CMSS1: variants seen among roughly 807,000 people sequenced by gnomAD.
CMSS1 encodes cms1 ribosomal small subunit homolog.
A neutral mutation model predicts 43.5 loss-of-function variants in CMSS1; 33 were observed. That is an observed-to-expected ratio of 0.76 (90% CI 0.57 to 1.01). CMSS1 has a LOEUF of 1.01. CMSS1 is among the 50% of genes least tolerant of loss of function. The pLI, the probability that CMSS1 is intolerant of heterozygous loss-of-function variation, is 0.00. For missense variants in CMSS1, 313 were observed against 326.4 expected, an observed-to-expected ratio of 0.96 and a Z score of 0.32; for synonymous variants, 115 against 117.2, an observed-to-expected ratio of 0.98 and a Z score of 0.12.
At chr3:100,017,940 C>T (rs892508891) in intron 1 of CMSS1, among the ~76,000 whole-genome samples, 2 of 152,106 alleles carry the variant, frequency 1.3e-5, no homozygotes, top group South Asian at 2.1e-4. Flanking sequence ...ACTTCTCAGC[C>T]TCCATAATTG....
intron 1 of CMSS1, among the ~76,000 whole-genome samples, chr3:100,071,955 A>G (rs538921291): frequency 1.3e-5 from 2 of 152,164 alleles, no homozygotes; most frequent in Non-Finnish European, 2.9e-5. Context: ...TGATCGGCAG[A>G]CTGAAACTGA....
chr3:100,076,002 T>C (rs1346432514), intron 1 of CMSS1, among the ~76,000 whole-genome samples: 1 of 152,174 alleles, frequency 6.6e-6, no homozygotes, highest in African/African-American at 2.4e-5. Flanking sequence ...AACTATGTAA[T>C]TTCTAAGATC....
intron 1 of CMSS1, chr3:100,010,140 C>A: frequency 1.0e-6 from 1 of 972,950 alleles, no homozygotes; most frequent in Non-Finnish European, 1.2e-6. Context: ...GGTAAGTCAT[C>A]TGATTGGAGC....
intron 1 of CMSS1, among the ~76,000 whole-genome samples, chr3:100,098,940 A>C (rs2066259099): frequency 6.6e-6 from 1 of 152,262 alleles, no homozygotes; most frequent in Non-Finnish European, 1.5e-5. Flanking sequence ...AAATAATGCC[A>C]GTTAAGATGG....
At chr3:99,845,209 TTTTA>T (rs1289653437) in intron 1 of CMSS1, among the ~76,000 whole-genome samples, 12 of 152,136 alleles carry the variant, frequency 7.9e-5, no homozygotes, top group African/African-American at 2.2e-4. Context: ...AGGATGACAA[TTTTA>T]TTTTTGTCAG....
chr3:99,886,969 CAAAA>C lies in CMSS1; in HGVS notation c.64+68938_64+68941del, dbSNP rs544548363. On this transcript the variant is annotated intron_variant, in intron 1 of 9. Transcript: ENST00000421999. ...TGGGCAGCAGAGGGAGACTCCATCT[CAAAA>C]AAAAAAAAAAAGTACTGGCCGGGTG... Among the ~76,000 whole-genome samples, 492 of 89,860 alleles carry C rather than the reference CAAAA, an allele frequency of 5.5e-3. 6 individuals are homozygous for C. Among genetic ancestry groups the C allele is most frequent in the African/African-American group, 0.02 (469 of 23,756 alleles). The allele number at this position is 89,860 out of a possible 152,430, so 59.0% of individuals were successfully genotyped here.
chr3:99,928,114 T>A (rs961014195), intron 1 of CMSS1, among the ~76,000 whole-genome samples: 2 of 152,226 alleles, frequency 1.3e-5, no homozygotes, highest in Admixed American at 6.5e-5. Flanking sequence ...GCATTCAAGA[T>A]GCTTATTCTC....
At chr3:100,136,999 T>C (rs970055512) in intron 1 of CMSS1, among the ~76,000 whole-genome samples, 1 of 152,260 alleles carries the variant, frequency 6.6e-6, no homozygotes, top group African/African-American at 2.4e-5. Flanking sequence ...TTCCCTATGA[T>C]CTGTGTTGCT....
At chr3:99,971,394 G>T (rs927300800) in intron 1 of CMSS1, among the ~76,000 whole-genome samples, 2 of 151,706 alleles carry the variant, frequency 1.3e-5, no homozygotes, top group African/African-American at 4.8e-5. Flanking sequence ...CACCACACAA[G>T]GAAAGAAGTC....
At position 99,877,116 on chromosome 3, in the gene CMSS1, A is replaced by G. The variant is rs9831706; in HGVS notation, c.64+59073A>G. ...GAATGAGAATTCACCTCCGAATTATAAGAGAAGTCATACCTAAAGTTCTAG... is the reference window on the plus strand; with the variant it reads ...GAATGAGAATTCACCTCCGAATTATGAGAGAAGTCATACCTAAAGTTCTAG... On this transcript the variant is annotated intron_variant, in intron 1 of 9. Coordinates refer to ENST00000421999, the MANE Select transcript of CMSS1 (RefSeq NM_032359.4). Among the ~76,000 whole-genome samples the G allele has an allele frequency of 6.1e-3, 931 of 152,318 alleles. 10 individuals are homozygous for G. Among genetic ancestry groups the G allele is most frequent in the African/African-American group, 0.021 (880 of 41,568 alleles).
At chr3:99,867,125 A>G (rs1944558440) in intron 1 of CMSS1, among the ~76,000 whole-genome samples, 1 of 152,224 alleles carries the variant, frequency 6.6e-6, no homozygotes, top group African/African-American at 2.4e-5. Flanking sequence ...AGCAAGGAGT[A>G]ATTCCATCAA....
At chr3:100,091,508 A>G (rs557454222) in intron 1 of CMSS1, among the ~76,000 whole-genome samples, 100 of 152,372 alleles carry the variant, frequency 6.6e-4, no homozygotes, top group African/African-American at 2.2e-3. Context: ...AATGCTTTGC[A>G]GCACAAGCCT....
intron 1 of CMSS1, among the ~76,000 whole-genome samples, chr3:100,107,101 G>A (rs1015831015): frequency 6.6e-6 from 1 of 152,058 alleles, no homozygotes; most frequent in Non-Finnish European, 1.5e-5. Context: ...AGGTACAGGT[G>A]AAAATCTTTA....
At chr3:99,864,625 T>C (rs1483222302) in intron 1 of CMSS1, among the ~76,000 whole-genome samples, 1 of 152,134 alleles carries the variant, frequency 6.6e-6, no homozygotes, top group Non-Finnish European at 1.5e-5. Context: ...TTTTTGGTGT[T>C]CATTTGTTCA....
At chr3:100,038,453 G>A (rs983445398) in intron 1 of CMSS1, among the ~76,000 whole-genome samples, 2 of 152,106 alleles carry the variant, frequency 1.3e-5, no homozygotes, top group Non-Finnish European at 2.9e-5. Flanking sequence ...TAGAGAATTC[G>A]AGTAGGGAGC....
In CMSS1 at chr3:99,882,604, A is replaced by G. The variant is rs192249827; in HGVS notation, c.64+64561A>G. Among the ~76,000 whole-genome samples, 5 of 152,354 alleles carry G rather than the reference A, an allele frequency of 3.3e-5. No homozygotes were observed. In the East Asian group the frequency reaches 7.7e-4, roughly 24 times the overall value. Reference sequence around the variant, plus strand: ...CTGTTCCCATTTTTAAATAGATGAGATAACTGGAGCTCAGAGAGGTTAAGG... The same window carrying G: ...CTGTTCCCATTTTTAAATAGATGAGGTAACTGGAGCTCAGAGAGGTTAAGG... On this transcript the variant is annotated intron_variant, in intron 1 of 9. Coordinates refer to ENST00000421999, the MANE Select transcript of CMSS1 (RefSeq NM_032359.4).
intron 1 of CMSS1, among the ~76,000 whole-genome samples, chr3:100,022,147 G>T (rs1396191290): frequency 6.6e-6 from 1 of 152,124 alleles, no homozygotes; most frequent in Non-Finnish European, 1.5e-5. Context: ...GAAAAGAAAT[G>T]ATATTAGAAT....
intron 1 of CMSS1, among the ~76,000 whole-genome samples, chr3:99,940,141 A>T (rs904617644): frequency 6.6e-6 from 1 of 152,240 alleles, no homozygotes; most frequent in Non-Finnish European, 1.5e-5. Flanking sequence ...GTTTTCCATT[A>T]CAAATCAGTG....
Position 99,991,999 on chromosome 3 carries a change from T to C in CMSS1, c.65-154974T>C, listed in dbSNP as rs1462443542. Among the ~76,000 whole-genome samples the C allele has an allele frequency of 8.6e-5, 13 of 150,552 alleles. No homozygotes were observed. In the East Asian group the frequency reaches 1.8e-3, roughly 20 times the overall value. ...ACATATATGTGTATATATACGTATATATATGTGTGTGTGTATATATATATA... is the reference window on the plus strand; with the variant it reads ...ACATATATGTGTATATATACGTATACATATGTGTGTGTGTATATATATATA... On this transcript the variant is annotated intron_variant, in intron 1 of 9. Transcript: ENST00000421999.
Sources: allele counts gnomAD v4.1 joint callset (sites outside exome capture counted in the v4.1 genomes callset), GRCh38; gene constraint gnomAD v4.1.1; transcripts MANE v1.5; gene names NCBI Gene and HGNC (gene_info 2026-07-23, HGNC 2026-07-21).